The following KIAA1328 variants were observed in gnomAD, a reference collection of about 807,000 sequenced individuals.
The protein encoded by KIAA1328 is protein hinderin.
KIAA1328 carries 52 observed loss-of-function variants against 68.1 expected under a neutral mutation model. The ratio of observed to expected loss-of-function variants is 0.76; its 90% CI spans 0.61 to 0.96. The LOEUF is 0.96. KIAA1328 is among the 40% of genes least tolerant of loss of function. The pLI is 0.00. For synonymous variants in KIAA1328, 232 were observed against 239.4 expected, an observed-to-expected ratio of 0.97 and a Z score of 0.28; for missense variants, 641 against 677.6, an observed-to-expected ratio of 0.95 and a Z score of 0.60.
intron 6 of KIAA1328, among the ~76,000 whole-genome samples, chr18:37,003,983 C>T (rs548432629): frequency 4.6e-5 from 7 of 152,216 alleles, no homozygotes; most frequent in African/African-American, 1.7e-4. Context: ...CTTTTGGTGA[C>T]TCTGGCCCTA....
intron 4 of KIAA1328, among the ~76,000 whole-genome samples, chr18:36,863,833 A>G (rs371793041): frequency 6.6e-6 from 1 of 152,312 alleles, no homozygotes; most frequent in African/African-American, 2.4e-5. Flanking sequence ...GTATAGAAAT[A>G]TGATTGAATT....
Position 36,908,405 on chromosome 18 carries a change from A to G in KIAA1328, c.448+22733A>G, listed in dbSNP as rs59324036. ...ACCTAGACTGGAGTGCAGTGGCACA[A>G]TCATAGCTCACTGCAACTCTAGCTC... On this transcript the variant is annotated intron_variant, in intron 5 of 9. Coordinates refer to ENST00000280020, the MANE Select transcript of KIAA1328 (RefSeq NM_020776.3). Among the ~76,000 whole-genome samples the G allele has an allele frequency of 2.6e-3, 389 of 152,284 alleles. 3 individuals carry two copies. The highest frequency in any genetic ancestry group is 8.9e-3 in the African/African-American group (371 of 41,564).
chr18:36,998,449 A>C (rs1201204587), intron 6 of KIAA1328, among the ~76,000 whole-genome samples: 1 of 152,170 alleles, frequency 6.6e-6, no homozygotes, highest in African/African-American at 2.4e-5. Context: ...GGATCCAAAC[A>C]AACCACATGA....
At chr18:36,962,956 A>G (rs1309546336) in intron 6 of KIAA1328, among the ~76,000 whole-genome samples, 1 of 152,218 alleles carries the variant, frequency 6.6e-6, no homozygotes, top group Non-Finnish European at 1.5e-5. Flanking sequence ...GAAGGCAAGA[A>G]ATAACTAAGA....
intron 9 of KIAA1328, among the ~76,000 whole-genome samples, chr18:37,204,439 C>CA (rs1278586475): frequency 6.6e-6 from 1 of 152,086 alleles, no homozygotes; most frequent in Non-Finnish European, 1.5e-5. Context: ...TACAAACAGA[C>CA]ATGTACACAG....
At chr18:37,080,914 TA>T (rs112797482) in intron 7 of KIAA1328, among the ~76,000 whole-genome samples, 103 of 144,506 alleles carry the variant, frequency 7.1e-4, no homozygotes, top group East Asian at 1.0e-3. Context: ...ATCAAGACAG[TA>T]AAAAAAAAAA....
At chr18:36,915,501 C>T (rs192369000) in intron 5 of KIAA1328, among the ~76,000 whole-genome samples, 98 of 152,122 alleles carry the variant, frequency 6.4e-4, no homozygotes, top group Admixed American at 1.4e-3. Flanking sequence ...AACAATCTAA[C>T]AAAAAGGCAA....
chr18:37,230,687 C>G (rs1037800648), downstream of KIAA1328: 2 of 152,140 alleles, frequency 1.3e-5, no homozygotes, highest in South Asian at 2.1e-4. Flanking sequence ...AGTCCAGTAC[C>G]CTTTGGACTA....
intron 4 of KIAA1328, among the ~76,000 whole-genome samples, chr18:36,859,201 A>C (rs1241262158): frequency 2.0e-5 from 3 of 151,800 alleles, no homozygotes; most frequent in African/African-American, 7.3e-5. Flanking sequence ...CCCCACCTTC[A>C]TTGTTCATTT....
At chr18:37,066,749 T>G in intron 6 of KIAA1328, 141 bp from the exon 7 acceptor site, 1 of 751,062 alleles carries the variant, frequency 1.3e-6, no homozygotes, top group East Asian at 2.7e-5. Context: ...TGTTTAGCTG[T>G]GTGAATGCTA....
At chr18:37,216,030 C>A (rs1305532773) in intron 9 of KIAA1328, among the ~76,000 whole-genome samples, 1 of 152,116 alleles carries the variant, frequency 6.6e-6, no homozygotes, top group East Asian at 1.9e-4. Context: ...CTCTTTGACT[C>A]TTCTCCCTTT....
At chr18:37,048,653 A>G (rs1388684389) in intron 6 of KIAA1328, among the ~76,000 whole-genome samples, 1 of 152,144 alleles carries the variant, frequency 6.6e-6, no homozygotes, top group African/African-American at 2.4e-5. Flanking sequence ...GTAATTTGCT[A>G]TTTTACTGAT....
At chr18:36,835,608 G>A (rs1271286592) in intron 3 of KIAA1328, among the ~76,000 whole-genome samples, 2 of 152,158 alleles carry the variant, frequency 1.3e-5, no homozygotes, top group Non-Finnish European at 2.9e-5. Flanking sequence ...CCATGATAAT[G>A]TATTATCTTG....
chr18:37,039,929 A>G (rs1481552301), intron 6 of KIAA1328, among the ~76,000 whole-genome samples: 1 of 152,152 alleles, frequency 6.6e-6, no homozygotes, highest in Non-Finnish European at 1.5e-5. Flanking sequence ...AGGTTTTGGC[A>G]AAATTCAGTT....
intron 9 of KIAA1328, among the ~76,000 whole-genome samples, chr18:37,173,338 A>C (rs544401481): frequency 3.3e-4 from 51 of 152,272 alleles, no homozygotes; most frequent in African/African-American, 1.2e-3. Flanking sequence ...CTTCACCAGA[A>C]AGTCTGTTTA....
chr18:37,194,388 T>A (rs2059964350), intron 9 of KIAA1328, among the ~76,000 whole-genome samples: 1 of 152,208 alleles, frequency 6.6e-6, no homozygotes, highest in Non-Finnish European at 1.5e-5. Flanking sequence ...AGTATTCTAT[T>A]TTTTTGTCCA....
At chr18:36,940,516 G>A (rs1353618971) in intron 5 of KIAA1328, among the ~76,000 whole-genome samples, 1 of 152,094 alleles carries the variant, frequency 6.6e-6, no homozygotes, top group Non-Finnish European at 1.5e-5. Flanking sequence ...TAGTTGTGAA[G>A]CATTTGATGT....
At chr18:36,895,648 T>C (rs2048844048) in intron 5 of KIAA1328, 16 of 411,132 alleles carry the variant, frequency 3.9e-5, no homozygotes, top group Non-Finnish European at 7.8e-5. Context: ...GCAAGGTTCG[T>C]TTGCTTATGT....
At chr18:37,006,502 T>A (rs1212179313) in intron 6 of KIAA1328, among the ~76,000 whole-genome samples, 2 of 152,148 alleles carry the variant, frequency 1.3e-5, no homozygotes, top group East Asian at 3.9e-4. Flanking sequence ...TTTTTATTTA[T>A]TTAATAGTTG....
Sources: allele counts gnomAD v4.1 joint callset (sites outside exome capture counted in the v4.1 genomes callset), GRCh38; gene constraint gnomAD v4.1.1; transcripts MANE v1.5; gene names NCBI Gene and HGNC (gene_info 2026-07-23, HGNC 2026-07-21).